The following TRIML2 variants were observed in gnomAD, a reference collection of about 807,000 sequenced individuals.
TRIML2 encodes the protein tripartite motif family like 2.
A neutral mutation model predicts 31.2 loss-of-function variants in TRIML2; 28 were observed. The ratio of observed to expected loss-of-function variants is 0.90; its 90% confidence interval spans 0.66 to 1.23. TRIML2 has a LOEUF of 1.23. TRIML2 is among the 50% of genes most tolerant of loss of function. The pLI is 0.00. For synonymous variants in TRIML2, 187 were observed against 197.5 expected (o/e 0.95, Z 0.45); for missense variants, 536 against 528.3 (o/e 1.01, Z -0.14).
chr4:188,099,774 C>T (rs2111172496), intron 4 of TRIML2, among the ~76,000 whole-genome samples: 1 of 152,084 alleles, frequency 6.6e-6, no homozygotes, highest in East Asian at 1.9e-4. Flanking sequence ...TTAATATGCA[C>T]CTAAAACATT....
At chr4:188,096,925 G>A (rs912247403) in intron 7 of TRIML2, 136 bp downstream of exon 7, 1 of 669,142 alleles carries the variant, frequency 1.5e-6, no homozygotes, top group African/African-American at 1.8e-5. Context: ...CCAAAGTGCT[G>A]GGATTACAGG....
chr4:188,101,068 C>A lies in TRIML2; in HGVS notation c.468G>T (p.Gln156His). The A allele has an allele frequency of 6.2e-7, 1 of 1,608,650 alleles. No individual in the cohort carries two copies. Among genetic ancestry groups the A allele is most frequent in the Non-Finnish European group, 8.5e-7 (1 of 1,177,044 alleles). The change falls in exon 4 of 8, where the codon CAG becomes CAT. Residue 156 changes from glutamine to histidine, a missense_variant. Transcript: ENST00000682553. ...KLATELEEMFQEMLQRLGRVG... is the reference protein window; with the variant it reads ...KLATELEEMFHEMLQRLGRVG... ...TTCAATATCTCACCTGTAGCATTTC[C>A]TGGAACATCTCCTCTAGCTCGGTGG... is the stretch of plus-strand genomic sequence containing the variant.
chr4:188,107,629 A>G (rs1734096095), intron 1 of TRIML2, among the ~76,000 whole-genome samples: 1 of 152,242 alleles, frequency 6.6e-6, no homozygotes, highest in Admixed American at 6.5e-5. Flanking sequence ...TGGCTGGGTG[A>G]GAAATAGTGT....
At position 188,099,158 on chromosome 4, in the gene TRIML2, C is replaced by T. The variant is rs1733658392; in HGVS notation, c.498G>A (p.Gly166=). 6.2e-7 allele frequency: 1 copy of T among 1,610,840 alleles called. No individual in the cohort carries two copies. Among genetic ancestry groups the T allele is most frequent in the South Asian group, 1.1e-5 (1 of 90,252 alleles). The stretch of plus-strand genomic sequence containing the variant: ...CCTTCAGTTTCTCCATGTTCTCTCT[C>T]CCCACACGGCCCAGTCTCTGCAGAA... ...QEMLQRLGRV[G]RENMEKLKES... The change falls in exon 5 of 8, where the codon GGG becomes GGA. Residue 166 remains glycine (G), a synonymous_variant. Coordinates refer to ENST00000682553, the MANE Select transcript of TRIML2 (RefSeq NM_173553.4).
In TRIML2 at chr4:188,091,407, T is replaced by C. The variant is rs1353124003; in HGVS notation, c.1280A>G (p.His427Arg). 3 of 1,613,968 alleles carry C rather than the reference T, an allele frequency of 1.9e-6. No homozygotes were observed. Among genetic ancestry groups the C allele is most frequent in the Middle Eastern group, 1.6e-4 (1 of 6,082 alleles). ...TSPDSLTILQHGPSCDATVSP is the reference protein window; with the variant it reads ...TSPDSLTILQRGPSCDATVSP ...AACAGTAGCATCACAAGAAGGACCATGTTGTAAGATGGTGAGGGAGTCTGG... is the reference window on the plus strand; with the variant it reads ...AACAGTAGCATCACAAGAAGGACCACGTTGTAAGATGGTGAGGGAGTCTGG... The change falls in exon 8 of 8, where the codon CAT (histidine) becomes CGT (arginine). Residue 427 changes from histidine to arginine, a missense_variant. By Grantham distance (29) the His-to-Arg change is conservative. Coordinates refer to ENST00000682553, the MANE Select transcript of TRIML2 (RefSeq NM_173553.4).
In TRIML2 at chr4:188,105,525, C is replaced by T. The variant is rs1009414557; in HGVS notation, c.-157G>A. ...TCCACGAAGATCCAAGGAAATAAGT[C>T]CACGCAGACAGAGCGGGTCGGCGCT... On this transcript the variant is annotated 5_prime_UTR_variant, in exon 2 of 8. Coordinates refer to ENST00000682553, the MANE Select transcript of TRIML2 (RefSeq NM_173553.4). 3 of 521,100 alleles carry T rather than the reference C, an allele frequency of 5.8e-6. No individual in the cohort carries two copies. The highest frequency in any genetic ancestry group is 5.6e-5 in the African/African-American group (3 of 53,598). The allele number at this position is 521,100 out of a possible 1,614,324, so 32.3% of individuals were successfully genotyped here.
At chr4:188,103,410 C>T (rs1733890774) in intron 3 of TRIML2, among the ~76,000 whole-genome samples, 1 of 152,098 alleles carries the variant, frequency 6.6e-6, no homozygotes, top group South Asian at 2.1e-4. Context: ...GGTTTTGAAG[C>T]TTGTATTTCA....
chr4:188,098,995 T>C (rs930326977), intron 5 of TRIML2, 40 bp downstream of exon 5: 2 of 1,611,490 alleles, frequency 1.2e-6, no homozygotes, highest in Non-Finnish European at 8.5e-7. Flanking sequence ...ATTTCTCAAA[T>C]ACTGGAATGA....
chr4:188,101,882 G>A (rs1482377228), intron 3 of TRIML2, among the ~76,000 whole-genome samples: 1 of 151,956 alleles, frequency 6.6e-6, no homozygotes, highest in East Asian at 2.0e-4. Context: ...TGTAATCCCA[G>A]CACTTTGGGA....
At chr4:188,103,163 C>T (rs1733879220) in intron 3 of TRIML2, among the ~76,000 whole-genome samples, 1 of 151,816 alleles carries the variant, frequency 6.6e-6, no homozygotes, top group Non-Finnish European at 1.5e-5. Context: ...CAGGCACCTG[C>T]CACCACACCC....
At chr4:188,108,462 G>A (rs1336867003) in intron 1 of TRIML2, among the ~76,000 whole-genome samples, 2 of 151,844 alleles carry the variant, frequency 1.3e-5, no homozygotes, top group Non-Finnish European at 2.9e-5. Flanking sequence ...TGCCCTCCTC[G>A]TCCATCTCCA....
chr4:188,098,120 G>A (rs1303937622), intron 5 of TRIML2: 9 of 260,650 alleles, frequency 3.5e-5, no homozygotes, highest in Admixed American at 1.6e-4. Flanking sequence ...ACTCCGTCTC[G>A]GGGAAAAAAA....
chr4:188,099,265 T>C, intron 4 of TRIML2, 90 bp from the exon 5 acceptor site: 1 of 1,483,162 alleles, frequency 6.7e-7, no homozygotes. Context: ...TTCAACCATG[T>C]TTTTAAAAAC....
intron 7 of TRIML2, among the ~76,000 whole-genome samples, chr4:188,095,159 G>A (rs1039615528): frequency 3.3e-5 from 5 of 152,116 alleles, no homozygotes; most frequent in Non-Finnish European, 7.4e-5. Flanking sequence ...GTGGTTCATA[G>A]GCCACAATGT....
intron 7 of TRIML2, among the ~76,000 whole-genome samples, chr4:188,093,346 C>T (rs2101668): frequency 0.05 from 7,618 of 152,194 alleles, 354 homozygotes; most frequent in African/African-American, 0.12. Context: ...TTCCAGGAGA[C>T]TGGCAGAAAC....
At chr4:188,102,399 C>T (rs989560285) in intron 3 of TRIML2, among the ~76,000 whole-genome samples, 3 of 151,996 alleles carry the variant, frequency 2.0e-5, no homozygotes, top group Non-Finnish European at 2.9e-5. Context: ...TGCGTTAGCT[C>T]GGGATGTGAT....
rs760643858 is a variant in TRIML2 at position 188,101,019 on chromosome 4, T to C, written c.480+37A>G. 1.9e-6 allele frequency: 3 copies of C among 1,543,534 alleles called. 1 individual carries two copies. The highest frequency in any genetic ancestry group is 2.5e-5 in the South Asian group (2 of 80,896). On this transcript the variant is annotated intron_variant, in intron 4 of 7. Coordinates refer to ENST00000682553, the MANE Select transcript of TRIML2 (RefSeq NM_173553.4). ...TAATGTTTAGCTCTTCTTTTTCTCA[T>C]TTCTCAAATATGAGGATGTTGTTTT...
chr4:188,108,870 A>C (rs1259722907), intron 1 of TRIML2, among the ~76,000 whole-genome samples: 1 of 152,170 alleles, frequency 6.6e-6, no homozygotes. Flanking sequence ...TTATCTTTCT[A>C]TGAACAAGTT....
chr4:188,095,951 AG>A (rs1733487310), intron 7 of TRIML2, among the ~76,000 whole-genome samples: 2 of 152,250 alleles, frequency 1.3e-5, no homozygotes, highest in Admixed American at 1.3e-4. Context: ...CACACACTGT[AG>A]GATTCCATCG....
Sources: gnomAD v4.1 joint callset for allele counts (sites outside exome capture counted in the v4.1 genomes callset) on GRCh38, gnomAD v4.1.1 for gene constraint, MANE v1.5 for transcripts, NCBI Gene and HGNC (gene_info 2026-07-23, HGNC 2026-07-21) for gene names.